The following TEX14 variants were observed in gnomAD, a reference collection of about 807,000 sequenced individuals.
TEX14 encodes the protein inactive serine/threonine-protein kinase TEX14.
TEX14 carries 168 observed loss-of-function variants against 178.6 expected under a neutral mutation model. The ratio of observed to expected loss-of-function variants is 0.94; its 90% CI spans 0.83 to 1.07. The LOEUF (loss-of-function observed/expected upper bound fraction) is 1.07, where lower values mean the gene tolerates loss of function less well. Ranked by LOEUF, TEX14 falls within the 50% of genes least tolerant of loss-of-function variation. The probability of loss-of-function intolerance (pLI) is 0.00; values close to 1 mark genes in which losing one functional copy is unlikely to be tolerated. For missense variants in TEX14, 1,730 were observed against 1,753.6 expected, an observed-to-expected ratio of 0.99 and a Z score of 0.24; for synonymous variants, 626 against 634.1, an observed-to-expected ratio of 0.99 and a Z score of 0.19.
rs1009738832 is a variant in TEX14 at position 58,660,466 on chromosome 17, T to C, written c.-1-8464A>G. Reference sequence around the variant, plus strand: ...ATTGAACTCAAAGCAACATTAAGCATCTTTGCCTTCGTTTTACACAGCTGT... The same window carrying C: ...ATTGAACTCAAAGCAACATTAAGCACCTTTGCCTTCGTTTTACACAGCTGT... On this transcript the variant is annotated intron_variant, in intron 1 of 31. Coordinates refer to ENST00000349033, the MANE Select transcript of TEX14 (RefSeq NM_031272.5). 6 of 602,150 alleles carry C rather than the reference T, an allele frequency of 1.0e-5. No homozygotes were observed. The African/African-American group carries it at 1.1e-4, about 11-fold the overall frequency. 37.3% of individuals were successfully genotyped at this position (602,150 alleles called of 1,614,324 possible). A position where few individuals can be genotyped will look rare whatever the true frequency, so the allele number is the denominator to read the frequency against.
At chr17:58,680,144 C>T (rs567968479) in intron 1 of TEX14, among the ~76,000 whole-genome samples, 1 of 152,088 alleles carries the variant, frequency 6.6e-6, no homozygotes, top group African/African-American at 2.4e-5. Context: ...CAGTAGTTAT[C>T]GAACTTCTGG....
At chr17:58,666,707 G>A (rs1249502951) in intron 1 of TEX14, 1 of 152,162 alleles carries the variant, frequency 6.6e-6, no homozygotes, top group Non-Finnish European at 1.5e-5. Context: ...TGAGGTACTT[G>A]CGTGACCCCA....
At chr17:58,659,204 C>T (rs961572609) in intron 1 of TEX14, 8 of 271,204 alleles carry the variant, frequency 2.9e-5, no homozygotes, top group Non-Finnish European at 4.5e-5. Flanking sequence ...GCCGAGTTTT[C>T]TCATTCGGGG....
intron 1 of TEX14, chr17:58,660,894 G>A (rs780706053): frequency 2.4e-6 from 2 of 820,002 alleles, no homozygotes; most frequent in Non-Finnish European, 2.2e-6. Context: ...CTCTTCTGGT[G>A]ACATGAGTTA....
intron 13 of TEX14, 134 bp downstream of exon 13, chr17:58,601,672 C>A: frequency 1.2e-6 from 1 of 806,446 alleles, no homozygotes; most frequent in Non-Finnish European, 2.0e-6. Flanking sequence ...CCAGTCTGGG[C>A]AATAGAGCTA....
chr17:58,566,046 G>A (rs2044391074), intron 26 of TEX14, among the ~76,000 whole-genome samples: 1 of 152,152 alleles, frequency 6.6e-6, no homozygotes, highest in Non-Finnish European at 1.5e-5. Context: ...ATGTGATTCT[G>A]ATGTCTGATA....
intron 1 of TEX14, among the ~76,000 whole-genome samples, chr17:58,678,737 T>G (rs890872772): frequency 6.6e-6 from 1 of 151,592 alleles, no homozygotes; most frequent in Non-Finnish European, 1.5e-5. Flanking sequence ...GACGAGTTAA[T>G]GGGTGCAGCA....
At chr17:58,575,659 T>C (rs1302292388) in intron 21 of TEX14, among the ~76,000 whole-genome samples, 2 of 152,196 alleles carry the variant, frequency 1.3e-5, no homozygotes, top group African/African-American at 2.4e-5. Flanking sequence ...TAACAGCCAG[T>C]ACACAACTCA....
Position 58,585,939 on chromosome 17 carries a change from T to C in TEX14, c.2932A>G (p.Asn978Asp), listed in dbSNP as rs756603118. The change falls in exon 18 of 32, where the codon AAC (asparagine) becomes GAC (aspartate). Residue 978 changes from asparagine (N) to aspartate (D), a missense_variant. Coordinates refer to ENST00000349033, the MANE Select transcript of TEX14 (RefSeq NM_031272.5). Reference sequence around the variant, plus strand: ...TCAATAACTCGCTGCCAATCCGTGTTTTCTGGGCTCCTAATGGGGGGCTGC... The same window carrying C: ...TCAATAACTCGCTGCCAATCCGTGTCTTCTGGGCTCCTAATGGGGGGCTGC... ...LLQPPIRSPE[N>D]TDWQRVIEYH... 2 of 1,613,934 alleles carry C rather than the reference T, an allele frequency of 1.2e-6. No homozygotes were observed. Among genetic ancestry groups the C allele is most frequent in the Admixed American group, 3.3e-5 (2 of 59,964 alleles).
In TEX14 at chr17:58,581,575, G is replaced by A. The variant is rs200633037; in HGVS notation, c.3172-1844C>T. On this transcript the variant is annotated intron_variant, in intron 19 of 31. Coordinates refer to ENST00000349033, the MANE Select transcript of TEX14 (RefSeq NM_031272.5). The stretch of plus-strand genomic sequence containing the variant: ...AAAAGAAATAAGGCAATGGAGAAAG[G>A]TGAAAAGGTACTTTACCCTGAACTG... 1,407 of 1,606,564 alleles carry A rather than the reference G, an allele frequency of 8.8e-4. 2 individuals are homozygous for A. Among genetic ancestry groups the A allele is most frequent in the Non-Finnish European group, 1.1e-3 (1,289 of 1,176,688 alleles).
chr17:58,643,928 TTC>T (rs2046634862), intron 2 of TEX14, among the ~76,000 whole-genome samples: 1 of 148,866 alleles, frequency 6.7e-6, no homozygotes, highest in South Asian at 2.1e-4. Flanking sequence ...TCTTACTGTT[TTC>T]TCTGTTTTCT....
intron 3 of TEX14, among the ~76,000 whole-genome samples, chr17:58,626,074 C>G (rs925370686): frequency 1.1e-4 from 17 of 152,200 alleles, no homozygotes; most frequent in South Asian, 4.1e-4. Flanking sequence ...AAATTAAAAA[C>G]TGGGATTTCC....
chr17:58,659,437 C>A, intron 1 of TEX14: 3 of 449,700 alleles, frequency 6.7e-6, no homozygotes, highest in Non-Finnish European at 8.8e-6. Flanking sequence ...TCTCAGACTA[C>A]ACCTTCTTTG....
At chr17:58,575,631 A>G (rs991978449) in intron 21 of TEX14, among the ~76,000 whole-genome samples, 3 of 152,212 alleles carry the variant, frequency 2.0e-5, no homozygotes, top group Non-Finnish European at 4.4e-5. Context: ...GTGATGAGTC[A>G]CTTCTGGGCA....
At chr17:58,617,503 C>T in intron 6 of TEX14, 35 bp downstream of exon 6, 1 of 1,526,300 alleles carries the variant, frequency 6.6e-7, no homozygotes, top group South Asian at 1.1e-5. Flanking sequence ...TCCAGTTAGT[C>T]CTGCAAACAC....
chr17:58,588,146 C>T (rs546298292), intron 15 of TEX14, 125 bp from the exon 16 acceptor site: 26 of 615,494 alleles, frequency 4.2e-5, no homozygotes, highest in Non-Finnish European at 5.9e-5. Context: ...GCAGTTGAAG[C>T]GCAGTTTCAC....
chr17:58,645,640 G>C (rs1320381854), intron 2 of TEX14, among the ~76,000 whole-genome samples: 1 of 152,206 alleles, frequency 6.6e-6, no homozygotes, highest in Non-Finnish European at 1.5e-5. Flanking sequence ...TTACAGGCAT[G>C]AGCCACCTGC....
At position 58,613,549 on chromosome 17, in the gene TEX14, A is replaced by G; in HGVS notation, c.882-5T>C. On this transcript the variant is annotated splice_region_variant and splice_polypyrimidine_tract_variant and intron_variant, in intron 8 of 31. Transcript: ENST00000349033. ...AAGTAGGGGTGCCGCAGCTTGCTGC[A>G]AAAGAAAAGAAGCTTCAGATAAGGC... 3 of 1,613,664 alleles carry G rather than the reference A, an allele frequency of 1.9e-6. No individual in the cohort carries two copies. The highest frequency in any genetic ancestry group is 2.5e-6 in the Non-Finnish European group (3 of 1,179,870).
intron 15 of TEX14, among the ~76,000 whole-genome samples, chr17:58,590,586 T>TA (rs1282442246): frequency 6.6e-6 from 1 of 151,404 alleles, no homozygotes; most frequent in African/African-American, 2.4e-5. Context: ...GACAGGGTCT[T>TA]ATTCTGTCGC....
Sources: gnomAD v4.1 joint callset for allele counts (sites outside exome capture counted in the v4.1 genomes callset) on GRCh38, gnomAD v4.1.1 for gene constraint, MANE v1.5 for transcripts, NCBI Gene and HGNC (gene_info 2026-07-23, HGNC 2026-07-21) for gene names.